Variants in UNC13C observed in about 807,000 individuals in gnomAD.
UNC13C encodes the protein unc-13 homolog C.
A neutral mutation model predicts 245.4 loss-of-function variants in UNC13C; 174 were observed. That is an observed-to-expected ratio of 0.71 (90% CI 0.63 to 0.80). The LOEUF is 0.80. Among genes scored for constraint, UNC13C ranks in the 30% least tolerant of loss-of-function variants. The probability of loss-of-function intolerance (pLI) is 0.00; values close to 1 mark genes in which losing one functional copy is unlikely to be tolerated. For missense variants in UNC13C, 2,829 were observed against 2,602.9 expected, an observed-to-expected ratio of 1.09 and a Z score of -1.89; for synonymous variants, 992 against 895.1, an observed-to-expected ratio of 1.11 and a Z score of -1.93.
At chr15:54,589,588 C>T (rs773394501) in intron 30 of UNC13C, among the ~76,000 whole-genome samples, 3 of 152,028 alleles carry the variant, frequency 2.0e-5, no homozygotes, top group South Asian at 2.1e-4. Context: ...TGAGCCACCG[C>T]GCCCAGCCAG....
Position 54,357,000 on chromosome 15 carries a change from G to A in UNC13C, c.4713+18511G>A, listed in dbSNP as rs765275919. Among the ~76,000 whole-genome samples the A allele has an allele frequency of 3.6e-4, 54 of 151,994 alleles. 1 individual carries two copies. The highest frequency in any genetic ancestry group is 1.7e-3 in the South Asian group (8 of 4,822). ...GGAAATTGCACTTTGTCTTGATAAAGGATTCAAACATAATTTCTTTAGATT... is the reference window on the plus strand; with the variant it reads ...GGAAATTGCACTTTGTCTTGATAAAAGATTCAAACATAATTTCTTTAGATT... On this transcript the variant is annotated intron_variant, in intron 17 of 32. Coordinates refer to ENST00000260323, the MANE Select transcript of UNC13C (RefSeq NM_001080534.3).
At chr15:54,026,770 T>C (rs1027458036) in intron 2 of UNC13C, among the ~76,000 whole-genome samples, 13 of 152,196 alleles carry the variant, frequency 8.5e-5, no homozygotes, top group Non-Finnish European at 1.5e-5. Flanking sequence ...AAACCTAGAC[T>C]GTTATATATA....
chr15:54,522,664 A>G (rs111716129), intron 24 of UNC13C, among the ~76,000 whole-genome samples: 104 of 152,344 alleles, frequency 6.8e-4, no homozygotes, highest in Middle Eastern at 3.4e-3. Context: ...TTGGCAGCCT[A>G]GATTTTGAAA....
chr15:54,336,656 G>T (rs1479864690), intron 16 of UNC13C, among the ~76,000 whole-genome samples: 2 of 151,932 alleles, frequency 1.3e-5, no homozygotes, highest in Non-Finnish European at 2.9e-5. Flanking sequence ...TTGATATAAG[G>T]TGTAAAGTGT....
intron 17 of UNC13C, among the ~76,000 whole-genome samples, chr15:54,371,264 A>G (rs1207045205): frequency 6.6e-6 from 1 of 152,170 alleles, no homozygotes; most frequent in African/African-American, 2.4e-5. Flanking sequence ...GATTCCATAT[A>G]TGAGTGAAAT....
At chr15:53,998,520 G>A (rs145198419) in intron 1 of UNC13C, among the ~76,000 whole-genome samples, 17 of 152,098 alleles carry the variant, frequency 1.1e-4, no homozygotes, top group Non-Finnish European at 1.6e-4. Flanking sequence ...TTATTTTGAA[G>A]ATTCCTTAAG....
chr15:54,578,133 C>G (rs1898037560), intron 30 of UNC13C, among the ~76,000 whole-genome samples: 3 of 152,148 alleles, frequency 2.0e-5, no homozygotes, highest in Admixed American at 2.0e-4. Flanking sequence ...CAGATTAAGA[C>G]AACTGGGAAT....
At chr15:53,999,328 T>C (rs1442364601) in intron 1 of UNC13C, among the ~76,000 whole-genome samples, 2 of 151,778 alleles carry the variant, frequency 1.3e-5, no homozygotes, top group Non-Finnish European at 2.9e-5. Flanking sequence ...TATATATACA[T>C]AGAGAAAAAT....
intron 17 of UNC13C, among the ~76,000 whole-genome samples, chr15:54,353,888 G>A (rs1012673923): frequency 6.6e-6 from 1 of 152,108 alleles, no homozygotes; most frequent in African/African-American, 2.4e-5. Context: ...CTTGGAGGAC[G>A]CCAACCAATT....
chr15:54,175,320 T>C (rs143875375), intron 4 of UNC13C, among the ~76,000 whole-genome samples: 1 of 152,102 alleles, frequency 6.6e-6, no homozygotes, highest in East Asian at 1.9e-4. Context: ...GGAAATAAAG[T>C]TTCAAAACAA....
At chr15:54,480,782 C>T (rs763204673) in intron 19 of UNC13C, among the ~76,000 whole-genome samples, 2 of 152,050 alleles carry the variant, frequency 1.3e-5, no homozygotes, top group Non-Finnish European at 2.9e-5. Context: ...CTTGCTTTCT[C>T]TTATTTCTTG....
Position 54,454,219 on chromosome 15 carries a change from T to C in UNC13C, c.4933+39152T>C, listed in dbSNP as rs140510024. ...TGCTACATTCACAATGTTGTACTAT[T>C]ATCACCATCTATTTTCAGGACTTTT... On this transcript the variant is annotated intron_variant, in intron 19 of 32. Transcript: ENST00000260323. Among the ~76,000 whole-genome samples the C allele has an allele frequency of 5.1e-3, 770 of 152,206 alleles. 6 individuals are homozygous for C. Among genetic ancestry groups the C allele is most frequent in the African/African-American group, 0.017 (720 of 41,530 alleles).
chr15:54,255,004 G>C (rs2036243679), intron 8 of UNC13C, among the ~76,000 whole-genome samples: 1 of 152,152 alleles, frequency 6.6e-6, no homozygotes, highest in Non-Finnish European at 1.5e-5. Context: ...CCTCCTTGCA[G>C]GGCGTGTGAT....
At chr15:54,326,065 G>C (rs1301011042) in intron 14 of UNC13C, among the ~76,000 whole-genome samples, 1 of 152,008 alleles carries the variant, frequency 6.6e-6, no homozygotes, top group African/African-American at 2.4e-5. Flanking sequence ...AGAAGGAGAG[G>C]CTAGCCTTTA....
chr15:54,012,887 T>G lies in UNC13C; in HGVS notation c.-17T>G. 2 of 1,555,654 alleles carry G rather than the reference T, an allele frequency of 1.3e-6. No individual in the cohort carries two copies. The highest frequency in any genetic ancestry group is 2.5e-5 in the South Asian group (2 of 81,536). On this transcript the variant is annotated 5_prime_UTR_variant, in exon 2 of 33. Transcript: ENST00000260323. ...TTTACTTTTCTGGGGCAGAAAAGCT[T>G]GCACTAATTGCTCTCCATGGTGGCT...
intron 4 of UNC13C, among the ~76,000 whole-genome samples, chr15:54,231,205 G>A (rs115081804): frequency 0.013 from 2,008 of 152,092 alleles, 41 homozygotes; most frequent in African/African-American, 0.046. Context: ...AACATCCCTG[G>A]ATCAACTGGT....
At chr15:53,993,630 G>C (rs1342220327) in intron 1 of UNC13C, among the ~76,000 whole-genome samples, 1 of 151,984 alleles carries the variant, frequency 6.6e-6, no homozygotes, top group Non-Finnish European at 1.5e-5. Context: ...TGCACTGTGG[G>C]GTACCTCTTC....
At chr15:54,458,707 G>GA (rs1891671311) in intron 19 of UNC13C, among the ~76,000 whole-genome samples, 1 of 49,888 alleles carries the variant, frequency 2.0e-5, no homozygotes, top group Non-Finnish European at 4.0e-5. Flanking sequence ...TTTTTTTAAG[G>GA]GAATAGCTAC....
intron 2 of UNC13C, among the ~76,000 whole-genome samples, chr15:54,046,538 C>G (rs1897045102): frequency 6.6e-6 from 1 of 151,942 alleles, no homozygotes; most frequent in Non-Finnish European, 1.5e-5. Context: ...TCCAAACCAC[C>G]AGTGTATATA....
Sources: allele counts gnomAD v4.1 joint callset (sites outside exome capture counted in the v4.1 genomes callset), GRCh38; gene constraint gnomAD v4.1.1; transcripts MANE v1.5; gene names NCBI Gene and HGNC (gene_info 2026-07-23, HGNC 2026-07-21).